Variants in SYN2 observed in about 807,000 individuals in gnomAD.
The protein encoded by SYN2 is synapsin II.
In SYN2, 19 loss-of-function variants were observed where a neutral mutation model predicts 50.9. The observed-to-expected ratio is 0.37, with a 90% CI of 0.26 to 0.55. The LOEUF is 0.55. Among genes scored for constraint, SYN2 ranks in the 20% least tolerant of loss-of-function variants. The pLI is 0.81. For synonymous variants in SYN2, 255 were observed against 224.9 expected (o/e 1.13, Z -1.20); for missense variants, 587 against 576.4 (o/e 1.02, Z -0.19).
chr3:12,161,691 C>T, intron 6 of SYN2, 83 bp downstream of exon 6: 2 of 1,432,566 alleles, frequency 1.4e-6, no homozygotes, highest in Non-Finnish European at 2.0e-6. Context: ...CTGCTATTCT[C>T]CCTCTGTCAC....
At chr3:12,109,907 A>G (rs1167223999) in intron 1 of SYN2, among the ~76,000 whole-genome samples, 2 of 152,210 alleles carry the variant, frequency 1.3e-5, no homozygotes, top group African/African-American at 4.8e-5. Context: ...AAATAGTGAT[A>G]TACTGGGCAC....
At chr3:12,153,344 G>T in intron 5 of SYN2, 1 of 724,238 alleles carries the variant, frequency 1.4e-6, no homozygotes, top group Non-Finnish European at 2.4e-6. Flanking sequence ...TGAGGGCAGG[G>T]CAGAAAAGTC....
intron 1 of SYN2, among the ~76,000 whole-genome samples, chr3:12,025,319 AGTATT>A (rs1382070220): frequency 6.6e-6 from 1 of 152,230 alleles, no homozygotes; most frequent in Non-Finnish European, 1.5e-5. Flanking sequence ...TGGTATTGTC[AGTATT>A]TTAAATTTCA....
chr3:12,182,849 T>G (rs1383766202), intron 10 of SYN2, among the ~76,000 whole-genome samples: 1 of 152,236 alleles, frequency 6.6e-6, no homozygotes, highest in Admixed American at 6.5e-5. Flanking sequence ...CCTGCCCTCC[T>G]GCTCACCTGC....
chr3:12,043,721 A>T (rs1694670703), intron 1 of SYN2, among the ~76,000 whole-genome samples: 1 of 152,172 alleles, frequency 6.6e-6, no homozygotes, highest in Non-Finnish European at 1.5e-5. Context: ...TGCACCGTGG[A>T]TTAGTCAAAG....
At chr3:12,096,884 C>G (rs2125186077) in intron 1 of SYN2, among the ~76,000 whole-genome samples, 1 of 152,090 alleles carries the variant, frequency 6.6e-6, no homozygotes, top group South Asian at 2.1e-4. Context: ...ATGTACAGAG[C>G]CTCAAGGACC....
At chr3:12,118,966 T>C (rs1696491787) in intron 1 of SYN2, among the ~76,000 whole-genome samples, 1 of 152,206 alleles carries the variant, frequency 6.6e-6, no homozygotes, top group Non-Finnish European at 1.5e-5. Context: ...TCTTTTTTCA[T>C]ACCAAATCTT....
At chr3:12,159,780 C>T (rs559138491) in intron 5 of SYN2, among the ~76,000 whole-genome samples, 78 of 152,214 alleles carry the variant, frequency 5.1e-4, no homozygotes, top group African/African-American at 1.8e-3. Flanking sequence ...TGGTGGCTCA[C>T]GCCTGTAATC....
At chr3:12,084,002 CTCCCCATTCTTATAATTTAGAAACCCT>C (rs1371720769) in intron 1 of SYN2, among the ~76,000 whole-genome samples, 1 of 152,102 alleles carries the variant, frequency 6.6e-6, no homozygotes, top group Non-Finnish European at 1.5e-5. Flanking sequence ...AGACATGTCT[CTCCCCATTCTTATAATTTAGAAACCCT>C]GTTTATGGCA....
In SYN2 at chr3:12,085,108, TAA is replaced by T. The variant is rs61355688; in HGVS notation, c.378-55528_378-55527del. On this transcript the variant is annotated intron_variant, in intron 1 of 12. Coordinates refer to ENST00000621198, the MANE Select transcript of SYN2 (RefSeq NM_133625.6). ...AAACGGCATTGAATGGCTGACTGGG[TAA>T]AAAAAAAAAAAAAATATGTTGCCTA... Among the ~76,000 whole-genome samples the T allele has an allele frequency of 8.6e-3, 1,286 of 148,934 alleles. 22 individuals are homozygous for T. The highest frequency in any genetic ancestry group is 0.029 in the African/African-American group (1,195 of 40,566).
At chr3:12,021,249 T>A (rs940408505) in intron 1 of SYN2, among the ~76,000 whole-genome samples, 1 of 152,228 alleles carries the variant, frequency 6.6e-6, no homozygotes, top group African/African-American at 2.4e-5. Context: ...TGATCAAAGA[T>A]TATTATATCT....
intron 1 of SYN2, among the ~76,000 whole-genome samples, chr3:12,133,430 A>G (rs186264566): frequency 2.0e-5 from 3 of 152,322 alleles, no homozygotes; most frequent in Admixed American, 2.0e-4. Flanking sequence ...GGTCTTATTT[A>G]TGTCTCTGTT....
chr3:12,033,815 G>T (rs1171374306), intron 1 of SYN2, among the ~76,000 whole-genome samples: 1 of 152,138 alleles, frequency 6.6e-6, no homozygotes, highest in African/African-American at 2.4e-5. Context: ...ATGTTTTCAG[G>T]ATTCATCCAC....
chr3:12,069,764 A>G lies in SYN2; in HGVS notation c.377+64836A>G, dbSNP rs148050382. ...CCATCTTGTTAATTATATTTATCCT[A>G]CTGGGTGTGATTTGGTACCTCGGTT... On this transcript the variant is annotated intron_variant, in intron 1 of 12. Transcript: ENST00000621198. Among the ~76,000 whole-genome samples, 33 of 149,562 alleles carry G rather than the reference A, an allele frequency of 2.2e-4. No homozygotes were observed. The East Asian group carries it at 5.9e-3, about 27-fold the overall frequency.
At chr3:12,174,830 T>A (rs1698026777) in intron 10 of SYN2, among the ~76,000 whole-genome samples, 1 of 152,190 alleles carries the variant, frequency 6.6e-6, no homozygotes, top group South Asian at 2.1e-4. Context: ...AACTATCCAA[T>A]CCAAAGCTGC....
intron 1 of SYN2, among the ~76,000 whole-genome samples, chr3:12,011,856 G>A (rs981452037): frequency 6.6e-6 from 1 of 152,168 alleles, no homozygotes; most frequent in Non-Finnish European, 1.5e-5. Context: ...ATAACATTAT[G>A]TATTTCTGAT....
chr3:12,044,181 T>TCTCACACA (rs573246278), intron 1 of SYN2, among the ~76,000 whole-genome samples: 1 of 53,406 alleles, frequency 1.9e-5, no homozygotes, highest in South Asian at 7.8e-4. Flanking sequence ...TCTCTCTCTC[T>TCTCACACA]CACACACACA....
chr3:12,125,460 C>T (rs1696649732), intron 1 of SYN2, among the ~76,000 whole-genome samples: 1 of 152,192 alleles, frequency 6.6e-6, no homozygotes, highest in African/African-American at 2.4e-5. Context: ...GGTAGTTTGT[C>T]AACAGAAAGC....
intron 1 of SYN2, among the ~76,000 whole-genome samples, chr3:12,099,107 A>G (rs1177400181): frequency 6.6e-6 from 1 of 152,148 alleles, no homozygotes; most frequent in African/African-American, 2.4e-5. Flanking sequence ...TGACAATTCA[A>G]CAATAACACT....
Sources: allele counts gnomAD v4.1 joint callset (sites outside exome capture counted in the v4.1 genomes callset), GRCh38; gene constraint gnomAD v4.1.1; transcripts MANE v1.5; gene names NCBI Gene and HGNC (gene_info 2026-07-23, HGNC 2026-07-21).